The following PAIP1 variants were observed in gnomAD, a reference collection of about 807,000 sequenced individuals.
PAIP1 encodes the protein polyadenylate-binding protein-interacting protein 1.
A neutral mutation model predicts 61.3 loss-of-function variants in PAIP1; 16 were observed. That is an observed-to-expected ratio of 0.26 (90% CI 0.18 to 0.40). The LOEUF is 0.40. Among genes scored for constraint, PAIP1 ranks in the 10% least tolerant of loss-of-function variants. The probability of loss-of-function intolerance (pLI) is 1.00; values close to 1 mark genes in which losing one functional copy is unlikely to be tolerated. For synonymous variants in PAIP1, 187 were observed against 226.2 expected (o/e 0.83, Z 1.56); for missense variants, 416 against 600.9 (o/e 0.69, Z 3.22).
In PAIP1 at chr5:43,555,829, CTGTG is replaced by C; in HGVS notation, c.432_435del (p.Tyr144Ter). ...AGTTGTAGGAAAAAGGGTGTACTTA[CTGTG>C]TAACTGGAAGAATAACCTGAAGGGT... On this transcript the variant is annotated frameshift_variant and splice_region_variant, in exon 2 of 11. Coordinates refer to ENST00000306846, the MANE Select transcript of PAIP1 (RefSeq NM_006451.5). LOFTEE classifies it high-confidence loss of function. The C allele has an allele frequency of 6.2e-7, 1 of 1,607,064 alleles. No individual in the cohort carries two copies. Among genetic ancestry groups the C allele is most frequent in the Non-Finnish European group, 8.5e-7 (1 of 1,176,822 alleles).
Position 43,556,911 on chromosome 5 carries a change from G to T in PAIP1, c.-65C>A. On this transcript the variant is annotated 5_prime_UTR_variant, in exon 1 of 11. Coordinates refer to ENST00000306846, the MANE Select transcript of PAIP1 (RefSeq NM_006451.5). ...GCTGCGCTCGCGATAGGACGCGGGG[G>T]GAAGGCGCCGCGGGTCGGCTATAGC... 1 of 1,322,486 alleles carries T rather than the reference G, an allele frequency of 7.6e-7. No homozygotes were observed. Among genetic ancestry groups the T allele is most frequent in the East Asian group, 3.1e-5 (1 of 31,778 alleles). The allele number at this position is 1,322,486 out of a possible 1,614,324, so 81.9% of individuals were successfully genotyped here.
Position 43,527,387 on chromosome 5 carries a change from G to A in PAIP1, c.1429C>T (p.Arg477Ter), listed in dbSNP as rs201359614. ...GCTGAAATTTAACTTTACTGTTTTC[G>A]CTTACGCTCTGATTCCAAACAAAAC... ...EKFCLESERK[R>*]KQ The change falls in exon 11 of 11, where the codon CGA (arginine) becomes TGA (stop). Residue 477 changes from arginine to a stop codon, truncating the protein, a stop_gained. Coordinates refer to ENST00000306846, the MANE Select transcript of PAIP1 (RefSeq NM_006451.5). LOFTEE classifies it high-confidence loss of function. The A allele has an allele frequency of 3.0e-5, 47 of 1,587,908 alleles. No individual in the cohort carries two copies. Among genetic ancestry groups the A allele is most frequent in the Non-Finnish European group, 3.8e-5 (44 of 1,169,456 alleles).
intron 2 of PAIP1, among the ~76,000 whole-genome samples, chr5:43,551,715 A>G (rs1438287584): frequency 6.6e-6 from 1 of 151,904 alleles, no homozygotes; most frequent in East Asian, 1.9e-4. Flanking sequence ...CTTCGTGGCA[A>G]AAATGCTGCT....
At chr5:43,550,837 C>CAAAAAAAAACAAAAAA (rs1747833571) in intron 2 of PAIP1, among the ~76,000 whole-genome samples, 1 of 49,556 alleles carries the variant, frequency 2.0e-5, no homozygotes, top group African/African-American at 9.9e-5. Context: ...AAATATACTA[C>CAAAAAAAAACAAAAAA]AAAAAAAAAA....
chr5:43,551,339 A>C (rs1747859305), intron 2 of PAIP1, among the ~76,000 whole-genome samples: 1 of 152,214 alleles, frequency 6.6e-6, no homozygotes, highest in Admixed American at 6.5e-5. Context: ...TCCACGTAAC[A>C]ATCCATTAAC....
At chr5:43,553,529 T>C (rs1297064885) in intron 2 of PAIP1, among the ~76,000 whole-genome samples, 4 of 152,194 alleles carry the variant, frequency 2.6e-5, no homozygotes, top group Non-Finnish European at 5.9e-5. Flanking sequence ...CTTGACTATT[T>C]GTTGAATGAG....
rs777778463 is a variant in PAIP1 at position 43,555,811 on chromosome 5, G to C, written c.435+19C>G. On this transcript the variant is annotated intron_variant, in intron 2 of 10. Coordinates refer to ENST00000306846, the MANE Select transcript of PAIP1 (RefSeq NM_006451.5). The stretch of plus-strand genomic sequence containing the variant: ...TCCAGTAAATTAACCCAGAGTTGTA[G>C]GAAAAAGGGTGTACTTACTGTGTAA... 1 of 1,580,786 alleles carries C rather than the reference G, an allele frequency of 6.3e-7. No homozygotes were observed. Among genetic ancestry groups the C allele is most frequent in the South Asian group, 1.1e-5 (1 of 87,074 alleles).
chr5:43,555,080 A>G (rs1410339871), intron 2 of PAIP1, among the ~76,000 whole-genome samples: 1 of 152,228 alleles, frequency 6.6e-6, no homozygotes, highest in Admixed American at 6.5e-5. Context: ...AAACTATCCT[A>G]TGAAGTCAAA....
At chr5:43,537,611 A>T (rs1747204891) in intron 5 of PAIP1, among the ~76,000 whole-genome samples, 1 of 151,968 alleles carries the variant, frequency 6.6e-6, no homozygotes, top group African/African-American at 2.4e-5. Context: ...TTGTCTTATG[A>T]TGTTTCTGAT....
At chr5:43,531,366 T>C (rs1746921978) in intron 9 of PAIP1, among the ~76,000 whole-genome samples, 1 of 147,864 alleles carries the variant, frequency 6.8e-6, no homozygotes, top group Non-Finnish European at 1.5e-5. Flanking sequence ...CACTGAAGCA[T>C]TTAATCAGGG....
chr5:43,540,149 C>T (rs1747339370), intron 4 of PAIP1, among the ~76,000 whole-genome samples: 1 of 152,192 alleles, frequency 6.6e-6, no homozygotes, highest in African/African-American at 2.4e-5. Flanking sequence ...GTGGCCAATT[C>T]CAATGTTTAC....
At position 43,552,552 on chromosome 5, in the gene PAIP1, A is replaced by G. The variant is rs1747904163; in HGVS notation, c.435+3278T>C. On this transcript the variant is annotated intron_variant, in intron 2 of 10. Transcript: ENST00000306846. ...CTGAGGGGAAAAGGAATGATCTGCA[A>G]GTTGGGAGGATAAAGTACTGCCACA... is the stretch of plus-strand genomic sequence containing the variant. 2.0e-5 allele frequency among the ~76,000 whole-genome samples: 3 copies of G among 152,322 alleles called. No individual in the cohort carries two copies. In the South Asian group the frequency reaches 6.2e-4, roughly 32 times the overall value.
chr5:43,532,726 CA>C (rs1746990020), intron 9 of PAIP1, among the ~76,000 whole-genome samples: 1 of 152,166 alleles, frequency 6.6e-6, no homozygotes, highest in African/African-American at 2.4e-5. Flanking sequence ...AGCTAAGAAT[CA>C]CTTTGTTCTA....
chr5:43,536,972 G>C (rs747317535), intron 5 of PAIP1, 28 bp from the exon 6 acceptor site: 1 of 1,534,664 alleles, frequency 6.5e-7, no homozygotes, highest in Admixed American at 2.2e-5. Context: ...AAGAACAAAA[G>C]GAATGATGCC....
At position 43,556,008 on chromosome 5, in the gene PAIP1, G is replaced by T; in HGVS notation, c.266-9C>A. On this transcript the variant is annotated splice_polypyrimidine_tract_variant and intron_variant, in intron 1 of 10. Transcript: ENST00000306846. ...CAGGGGCCTCGTTTGCTCTGCAAAAGAAAAAAAAACGGGGCGTCAGATGCA... is the reference window on the plus strand; with the variant it reads ...CAGGGGCCTCGTTTGCTCTGCAAAATAAAAAAAAACGGGGCGTCAGATGCA... The T allele has an allele frequency of 6.4e-7, 1 of 1,560,658 alleles. No individual in the cohort carries two copies. The highest frequency in any genetic ancestry group is 8.7e-7 in the Non-Finnish European group (1 of 1,152,248).
Position 43,536,858 on chromosome 5 carries a change from A to C in PAIP1, c.933T>G (p.Pro311=). The C allele has an allele frequency of 6.4e-7, 1 of 1,557,130 alleles. No homozygotes were observed. The change falls in exon 6 of 11, where the codon CCT becomes CCG. Residue 311 remains proline (P), a synonymous_variant. Transcript: ENST00000306846. Reference sequence around the variant, plus strand: ...CTGCACAAATTAAATTGTCATCCATAGGATTAGAAAACAGGGCATTCAGCA... The same window carrying C: ...CTGCACAAATTAAATTGTCATCCATCGGATTAGAAAACAGGGCATTCAGCA... ...RELLNALFSN[P]MDDNLICAVK...
In PAIP1 at chr5:43,537,928, A is replaced by G. The variant is rs568417142; in HGVS notation, c.847-984T>C. 8.5e-3 allele frequency among the ~76,000 whole-genome samples: 1,178 copies of G among 137,790 alleles called. 20 individuals are homozygous for G. The highest frequency in any genetic ancestry group is 0.03 in the African/African-American group (1,140 of 37,396). 90.4% of individuals were successfully genotyped at this position (137,790 alleles called of 152,430 possible). A position where few individuals can be genotyped will look rare whatever the true frequency, so the allele number is the denominator to read the frequency against. On this transcript the variant is annotated intron_variant, in intron 5 of 10. Transcript: ENST00000306846. ...AGAATCGCTTGAACCCGGGAGGCGG[A>G]GGTTGTAGTGAGCCGAGATCACGTC...
At chr5:43,551,744 TC>T (rs1329803912) in intron 2 of PAIP1, among the ~76,000 whole-genome samples, 2 of 99,438 alleles carry the variant, frequency 2.0e-5, no homozygotes, top group African/African-American at 1.2e-4. Flanking sequence ...TGATTTGCAA[TC>T]TTTTTTTTTT....
chr5:43,527,735 C>T (rs190650961), intron 10 of PAIP1, among the ~76,000 whole-genome samples: 5 of 152,114 alleles, frequency 3.3e-5, no homozygotes, highest in African/African-American at 1.2e-4. Context: ...ATTCTATAAC[C>T]TGAAAGTTAA....
Sources: gnomAD v4.1 joint callset for allele counts (sites outside exome capture counted in the v4.1 genomes callset) on GRCh38, gnomAD v4.1.1 for gene constraint, MANE v1.5 for transcripts, NCBI Gene and HGNC (gene_info 2026-07-23, HGNC 2026-07-21) for gene names.